Variants in AGPAT5 observed in about 807,000 individuals in gnomAD.
The protein encoded by AGPAT5 is 1-acylglycerol-3-phosphate O-acyltransferase 5, also known as 1-acyl-sn-glycerol-3-phosphate acyltransferase epsilon.
In AGPAT5, 46 loss-of-function variants were observed where a neutral mutation model predicts 45.6. That is an observed-to-expected ratio of 1.01 (90% CI 0.80 to 1.29). The LOEUF (loss-of-function observed/expected upper bound fraction) is 1.29, where lower values mean the gene tolerates loss of function less well. AGPAT5 is among the 50% of genes most tolerant of loss of function. The pLI is 0.00. For synonymous variants in AGPAT5, 272 were observed against 167.0 expected, an observed-to-expected ratio of 1.63 and a Z score of -4.85; for missense variants, 673 against 450.7, an observed-to-expected ratio of 1.49 and a Z score of -4.47.
chr8:6,716,322 G>A (rs1246482085), intron 1 of AGPAT5, among the ~76,000 whole-genome samples: 1 of 152,084 alleles, frequency 6.6e-6, no homozygotes, highest in African/African-American at 2.4e-5. Context: ...ATTTTGGGAG[G>A]CCAAGGAGGG....
intron 2 of AGPAT5, 35 bp from the exon 3 acceptor site, chr8:6,730,676 C>G (rs990286620): frequency 6.9e-6 from 10 of 1,440,576 alleles, no homozygotes; most frequent in African/African-American, 2.8e-5. Context: ...TGTGAAGAGC[C>G]TCATGTACGC....
chr8:6,726,765 ACC>A (rs1800701446), intron 2 of AGPAT5, among the ~76,000 whole-genome samples: 1 of 151,960 alleles, frequency 6.6e-6, no homozygotes, highest in South Asian at 2.1e-4. Flanking sequence ...CCTTCCCTTC[ACC>A]CTACCTCCGA....
At chr8:6,756,339 A>C (rs946646330) in intron 7 of AGPAT5, among the ~76,000 whole-genome samples, 1 of 152,144 alleles carries the variant, frequency 6.6e-6, no homozygotes. Context: ...ACTCAGAAAA[A>C]AAGGGGGCTG....
intron 5 of AGPAT5, among the ~76,000 whole-genome samples, chr8:6,744,059 G>A (rs1801339151): frequency 6.6e-6 from 1 of 151,890 alleles, no homozygotes; most frequent in African/African-American, 2.4e-5. Context: ...AACATCATAT[G>A]AACAAATTTA....
chr8:6,729,419 G>T (rs759378693), intron 2 of AGPAT5, among the ~76,000 whole-genome samples: 4 of 150,956 alleles, frequency 2.6e-5, no homozygotes, highest in Non-Finnish European at 5.9e-5. Context: ...GAGAACATGG[G>T]TGATGATAGA....
chr8:6,726,903 A>C (rs1024024114), intron 2 of AGPAT5, among the ~76,000 whole-genome samples: 5 of 152,186 alleles, frequency 3.3e-5, no homozygotes, highest in Non-Finnish European at 7.4e-5. Flanking sequence ...ATGATTTTAA[A>C]TTTCTTTAGA....
chr8:6,734,300 T>C (rs1587032232), intron 4 of AGPAT5, among the ~76,000 whole-genome samples: 2 of 152,126 alleles, frequency 1.3e-5, no homozygotes, highest in Admixed American at 6.5e-5. Flanking sequence ...CCCTTTTTTC[T>C]TTTTGTGTTA....
intron 1 of AGPAT5, among the ~76,000 whole-genome samples, chr8:6,720,965 C>T (rs984886201): frequency 6.6e-6 from 1 of 152,062 alleles, no homozygotes; most frequent in Non-Finnish European, 1.5e-5. Context: ...TACAGTTTTG[C>T]GTGTGAAGTA....
intron 5 of AGPAT5, chr8:6,745,388 C>T (rs1414139164): frequency 1.3e-5 from 2 of 154,048 alleles, no homozygotes; most frequent in African/African-American, 4.8e-5. Context: ...AGTCTGGGCC[C>T]CTTGCTTTCT....
Position 6,715,175 on chromosome 8 carries a change from C to T in AGPAT5, c.219+6288C>T, listed in dbSNP as rs192775349. ...TCACATTCTAGTGTGGGAAGACAAA[C>T]AATAACAAGAAAATGAAAATTTACT... On this transcript the variant is annotated intron_variant, in intron 1 of 7. Transcript: ENST00000285518. Among the ~76,000 whole-genome samples the T allele has an allele frequency of 2.3e-3, 353 of 152,250 alleles. 1 individual carries two copies. The highest frequency in any genetic ancestry group is 4.0e-3 in the Non-Finnish European group (270 of 68,004).
chr8:6,718,648 G>A (rs1470271113), intron 1 of AGPAT5, among the ~76,000 whole-genome samples: 1 of 152,190 alleles, frequency 6.6e-6, no homozygotes, highest in African/African-American at 2.4e-5. Context: ...CCCACTACTA[G>A]TATTTTTACA....
intron 1 of AGPAT5, among the ~76,000 whole-genome samples, chr8:6,709,727 T>G (rs1486571052): frequency 6.6e-6 from 1 of 152,174 alleles, no homozygotes; most frequent in Non-Finnish European, 1.5e-5. Context: ...AACTTTTTTT[T>G]TTTCCACCTA....
Position 6,756,314 on chromosome 8 carries a change from G to C in AGPAT5, c.870-849G>C, listed in dbSNP as rs1587073109. Among the ~76,000 whole-genome samples the C allele has an allele frequency of 2.6e-5, 4 of 152,106 alleles. No individual in the cohort carries two copies. In the South Asian group the frequency reaches 8.3e-4, roughly 32 times the overall value. ...ATTCCACATTCATGGATTCCACCAA[G>C]CACAGACCAAAAATACTCAGAAAAA... On this transcript the variant is annotated intron_variant, in intron 7 of 7. Coordinates refer to ENST00000285518, the MANE Select transcript of AGPAT5 (RefSeq NM_018361.5).
At chr8:6,713,055 C>T (rs1480445895) in intron 1 of AGPAT5, among the ~76,000 whole-genome samples, 2 of 152,174 alleles carry the variant, frequency 1.3e-5, no homozygotes, top group Non-Finnish European at 2.9e-5. Flanking sequence ...TGCGGTGGCA[C>T]CATCATTGCT....
Position 6,708,673 on chromosome 8 carries a change from T to G in AGPAT5, c.5T>G (p.Leu2Arg). The change falls in exon 1 of 8, where the codon CTG becomes CGG. Residue 2 changes from leucine to arginine, a missense_variant. Physicochemically the swap from Leu to Arg is moderately radical, Grantham distance 102. Transcript: ENST00000285518. ...CGCTGCCGCCGAGCTGAGAAGATGC[T>G]GCTGTCCCTGGTGCTCCACACGTAC... M[L>R]LSLVLHTYSM... The G allele has an allele frequency of 6.3e-7, 1 of 1,586,292 alleles. No individual in the cohort carries two copies. The highest frequency in any genetic ancestry group is 1.1e-5 in the South Asian group (1 of 89,288).
intron 4 of AGPAT5, chr8:6,738,614 C>G (rs1288033983): frequency 6.6e-6 from 1 of 152,114 alleles, no homozygotes; most frequent in East Asian, 1.9e-4. Context: ...TGTCATAAAC[C>G]TTCAATGGGA....
intron 1 of AGPAT5, among the ~76,000 whole-genome samples, chr8:6,719,062 T>G (rs1209917071): frequency 6.6e-6 from 1 of 152,216 alleles, no homozygotes; most frequent in Non-Finnish European, 1.5e-5. Context: ...TTGTTTTAAG[T>G]GCAAACAGTT....
At chr8:6,730,978 C>T (rs1426703713) in intron 3 of AGPAT5, 152 bp downstream of exon 3, 6 of 445,332 alleles carry the variant, frequency 1.3e-5, no homozygotes, top group Non-Finnish European at 8.0e-6. Flanking sequence ...AAGTGAACCT[C>T]CTGCCTCTGC....
In AGPAT5 at chr8:6,761,381, A is replaced by G. The variant is rs1802039779; in HGVS notation, c.*3993A>G. ...TTGAAATTCTGTGTCTCCAGCAGGC[A>G]AGAATACTTGACTAACTCTTTTTGT... On this transcript the variant is annotated 3_prime_UTR_variant, in exon 8 of 8. Transcript: ENST00000285518. Among the ~76,000 whole-genome samples the G allele has an allele frequency of 6.6e-6, 1 of 152,212 alleles. No homozygotes were observed. Among genetic ancestry groups the G allele is most frequent in the Non-Finnish European group, 1.5e-5 (1 of 68,032 alleles).
Sources: gnomAD v4.1 joint callset for allele counts (sites outside exome capture counted in the v4.1 genomes callset) on GRCh38, gnomAD v4.1.1 for gene constraint, MANE v1.5 for transcripts, NCBI Gene and HGNC (gene_info 2026-07-23, HGNC 2026-07-21) for gene names.